ADGB: variants seen among roughly 807,000 people sequenced by gnomAD.
ADGB encodes the protein androglobin, also known as calpain-7-like protein.
ADGB carries 172 observed loss-of-function variants against 210.5 expected under a neutral mutation model. The observed-to-expected ratio is 0.82, with a 90% confidence interval of 0.72 to 0.93. The LOEUF (loss-of-function observed/expected upper bound fraction) is 0.93, where lower values mean the gene tolerates loss of function less well. Ranked by LOEUF, ADGB falls within the 40% of genes least tolerant of loss-of-function variation. ADGB has a pLI of 0.00. For missense variants in ADGB, 2,025 were observed against 1,964.8 expected (o/e 1.03, Z -0.58); for synonymous variants, 658 against 662.7 (o/e 0.99, Z 0.11).
chr6:146,632,534 G>T lies in ADGB; in HGVS notation c.75-2841G>T, dbSNP rs1294492199. ...GTATGTATTTGAAGTAGGGGTTGGT[G>T]GTTATTCTGTCTACCACATTCAGTG... On this transcript the variant is annotated intron_variant, in intron 1 of 35. Transcript: ENST00000397944. Among the ~76,000 whole-genome samples, 3 of 152,066 alleles carry T rather than the reference G, an allele frequency of 2.0e-5. No homozygotes were observed. In the East Asian group the frequency reaches 5.8e-4, roughly 29 times the overall value.
At chr6:146,612,004 A>C (rs1220675568) in intron 1 of ADGB, among the ~76,000 whole-genome samples, 1 of 152,110 alleles carries the variant, frequency 6.6e-6, no homozygotes, top group Non-Finnish European at 1.5e-5. Context: ...TTTGTTTGAG[A>C]CCAGAGTAGC....
intron 1 of ADGB, among the ~76,000 whole-genome samples, chr6:146,616,112 T>C (rs563886651): frequency 2.0e-5 from 3 of 152,242 alleles, no homozygotes; most frequent in East Asian, 1.9e-4. Context: ...CATTTTTAAC[T>C]GAGGGTGTAA....
chr6:146,738,593 G>C (rs1038491400), intron 23 of ADGB, among the ~76,000 whole-genome samples: 5 of 151,824 alleles, frequency 3.3e-5, no homozygotes, highest in Non-Finnish European at 1.5e-5. Context: ...GGGACTACAG[G>C]TGCTACCACC....
intron 33 of ADGB, among the ~76,000 whole-genome samples, chr6:146,796,949 G>A (rs1245808147): frequency 1.3e-5 from 2 of 151,992 alleles, no homozygotes; most frequent in African/African-American, 2.4e-5. Context: ...CTATGCATTC[G>A]ACAAAGGACA....
chr6:146,752,771 CAT>C (rs1423578951), intron 27 of ADGB, 57 bp downstream of exon 27: 5 of 1,398,292 alleles, frequency 3.6e-6, no homozygotes, highest in Non-Finnish European at 3.8e-6. Flanking sequence ...TTTATGTTTT[CAT>C]GACACTTTAA....
chr6:146,608,682 C>T (rs972144685), intron 1 of ADGB, among the ~76,000 whole-genome samples: 1 of 152,098 alleles, frequency 6.6e-6, no homozygotes, highest in African/African-American at 2.4e-5. Context: ...CATTATATGA[C>T]TTTTAGAGAT....
At chr6:146,785,528 T>C (rs1392950123) in intron 31 of ADGB, 82 bp from the exon 32 acceptor site, 3 of 1,044,464 alleles carry the variant, frequency 2.9e-6, no homozygotes, top group South Asian at 3.6e-5. Flanking sequence ...TCGTTTTCGA[T>C]TGAATACCAT....
chr6:146,752,808 C>A, intron 27 of ADGB, 94 bp downstream of exon 27: 1 of 1,204,990 alleles, frequency 8.3e-7, no homozygotes, highest in African/African-American at 1.5e-5. Context: ...TAGCAAGTAA[C>A]CACTTAAATT....
intron 27 of ADGB, among the ~76,000 whole-genome samples, chr6:146,754,275 A>G (rs1273010700): frequency 6.6e-6 from 1 of 151,210 alleles, no homozygotes; most frequent in Non-Finnish European, 1.5e-5. Context: ...TTTATTCCTA[A>G]TCAGACTTTT....
chr6:146,692,184 G>A (rs9497607), intron 11 of ADGB, among the ~76,000 whole-genome samples: 7 of 151,888 alleles, frequency 4.6e-5, no homozygotes, highest in African/African-American at 1.7e-4. Context: ...AGAAAATTTA[G>A]GTATTCCATG....
chr6:146,751,513 G>A (rs751924673), intron 26 of ADGB, among the ~76,000 whole-genome samples: 2 of 152,038 alleles, frequency 1.3e-5, no homozygotes, highest in Non-Finnish European at 2.9e-5. Context: ...GGATTGCTGG[G>A]TCAAATGGTA....
Position 146,815,074 on chromosome 6 carries a change from G to C in ADGB, c.4861G>C (p.Glu1621Gln). ...EARQKIFDIR[E>Q]EYRNKLLEAE... ...CCGACAGAAAATTTTCGACATCCGGGAAGAGTACAGAAACAAATTGCTGGA... is the reference window on the plus strand; with the variant it reads ...CCGACAGAAAATTTTCGACATCCGGCAAGAGTACAGAAACAAATTGCTGGA... The change falls in exon 36 of 36, where the codon GAA becomes CAA. Residue 1621 changes from glutamate to glutamine, a missense_variant. Coordinates refer to ENST00000397944, the MANE Select transcript of ADGB (RefSeq NM_024694.4). 1 of 1,546,902 alleles carries C rather than the reference G, an allele frequency of 6.5e-7. No homozygotes were observed. Among genetic ancestry groups the C allele is most frequent in the Non-Finnish European group, 8.7e-7 (1 of 1,145,940 alleles).
At chr6:146,811,058 TATGTA>T (rs1308201070) in intron 35 of ADGB, among the ~76,000 whole-genome samples, 1 of 152,262 alleles carries the variant, frequency 6.6e-6, no homozygotes, top group African/African-American at 2.4e-5. Context: ...CCCACTTGTA[TATGTA>T]ATGTTACTTA....
In ADGB at chr6:146,683,613, T is replaced by G. The variant is rs115876076; in HGVS notation, c.1217-2121T>G. On this transcript the variant is annotated intron_variant, in intron 9 of 35. Coordinates refer to ENST00000397944, the MANE Select transcript of ADGB (RefSeq NM_024694.4). ...CTAAAATTTGGAGCAAATTTTTTTG[T>G]CATCAACATCATTTCTATAATATGT... is the stretch of plus-strand genomic sequence containing the variant. Among the ~76,000 whole-genome samples, 472 of 152,224 alleles carry G rather than the reference T, an allele frequency of 3.1e-3. 5 individuals are homozygous for G. Among genetic ancestry groups the G allele is most frequent in the African/African-American group, 0.01 (431 of 41,542 alleles).
intron 4 of ADGB, among the ~76,000 whole-genome samples, chr6:146,654,992 G>T (rs9485105): frequency 0.023 from 3,561 of 152,032 alleles, 116 homozygotes; most frequent in African/African-American, 0.081. Flanking sequence ...GGTAACCACC[G>T]TTTCTCTATC....
chr6:146,614,584 A>G (rs1035699563), intron 1 of ADGB, among the ~76,000 whole-genome samples: 3 of 152,212 alleles, frequency 2.0e-5, no homozygotes, highest in Admixed American at 6.5e-5. Context: ...TTATTAATAC[A>G]TAACTGTACA....
At chr6:146,803,356 T>A in intron 35 of ADGB, 1 of 1,606,626 alleles carries the variant, frequency 6.2e-7, no homozygotes. Flanking sequence ...TATGTTCGAC[T>A]GTCATGGTGT....
At chr6:146,700,703 AAT>A (rs1253547445) in intron 12 of ADGB, among the ~76,000 whole-genome samples, 4 of 152,174 alleles carry the variant, frequency 2.6e-5, no homozygotes, top group Non-Finnish European at 4.4e-5. Flanking sequence ...CTTTGAAACA[AAT>A]AGTGTTCTAG....
chr6:146,749,059 C>T (rs2114608400), intron 26 of ADGB, among the ~76,000 whole-genome samples: 1 of 152,280 alleles, frequency 6.6e-6, no homozygotes, highest in African/African-American at 2.4e-5. Context: ...ATTCAACCCA[C>T]AACAGGCAGT....
Sources: gnomAD v4.1 joint callset for allele counts (sites outside exome capture counted in the v4.1 genomes callset) on GRCh38, gnomAD v4.1.1 for gene constraint, MANE v1.5 for transcripts, NCBI Gene and HGNC (gene_info 2026-07-23, HGNC 2026-07-21) for gene names.